Variants in RAB27B observed in about 807,000 individuals in gnomAD.
RAB27B encodes ras-related protein Rab-27B.
RAB27B carries 15 observed loss-of-function variants against 24.6 expected under a neutral mutation model. The observed-to-expected ratio is 0.61, with a 90% CI of 0.41 to 0.94. The LOEUF (loss-of-function observed/expected upper bound fraction) is 0.94, where lower values mean the gene tolerates loss of function less well. Among genes scored for constraint, RAB27B ranks in the 40% least tolerant of loss-of-function variants. RAB27B has a pLI of 0.00. For missense variants in RAB27B, 261 were observed against 266.8 expected, an observed-to-expected ratio of 0.98 and a Z score of 0.15; for synonymous variants, 105 against 92.5, an observed-to-expected ratio of 1.14 and a Z score of -0.78.
At chr18:54,811,320 TA>T (rs1388587816) in intron 2 of RAB27B, among the ~76,000 whole-genome samples, 1 of 152,080 alleles carries the variant, frequency 6.6e-6, no homozygotes, top group African/African-American at 2.4e-5. Context: ...ATGGCTGGGG[TA>T]AAGCTTGCTT....
Position 54,877,736 on chromosome 18 carries a change from G to A in RAB27B, c.151G>A (p.Val51Met). Residue 51 changes from valine to methionine, a missense_variant and splice_region_variant, in exon 2 of 6, where the codon GTG (valine) becomes ATG (methionine). Val to Met is a conservative substitution (Grantham distance 21). Coordinates refer to ENST00000262094, the MANE Select transcript of RAB27B (RefSeq NM_004163.4). The stretch of plus-strand genomic sequence containing the variant: ...AGGAATAGACTTTCGGGAAAAACGT[G>A]TGGTGAGTTTTTAATCGTACTTCTA... ...TVGIDFREKR[V>M]VYNAQGPNGS... is the part of the protein sequence containing the mutation. 1 of 1,578,302 alleles carries A rather than the reference G, an allele frequency of 6.3e-7. No individual in the cohort carries two copies. The highest frequency in any genetic ancestry group is 2.0e-5 in the Admixed American group (1 of 50,814).
At chr18:54,887,131 A>G (rs1294274356) in intron 4 of RAB27B, among the ~76,000 whole-genome samples, 3 of 150,040 alleles carry the variant, frequency 2.0e-5, no homozygotes, top group African/African-American at 7.4e-5. Flanking sequence ...AGAAAAGAGA[A>G]AAACAAATTA....
chr18:54,886,424 C>G (rs547666162), intron 4 of RAB27B, among the ~76,000 whole-genome samples: 2 of 151,728 alleles, frequency 1.3e-5, no homozygotes, highest in Non-Finnish European at 2.9e-5. Flanking sequence ...ACATATTATG[C>G]AAAATTGATA....
intron 2 of RAB27B, among the ~76,000 whole-genome samples, chr18:54,773,076 A>G (rs573414076): frequency 3.9e-5 from 6 of 152,174 alleles, no homozygotes; most frequent in African/African-American, 1.4e-4. Context: ...AATCTTCACC[A>G]ATCCTTTTTT....
chr18:54,802,931 C>T (rs1909655897), intron 2 of RAB27B, among the ~76,000 whole-genome samples: 1 of 152,122 alleles, frequency 6.6e-6, no homozygotes, highest in African/African-American at 2.4e-5. Context: ...TACCAACTCC[C>T]CATTCAGTCC....
At chr18:54,765,450 T>A (rs1877231203) in intron 2 of RAB27B, among the ~76,000 whole-genome samples, 2 of 152,232 alleles carry the variant, frequency 1.3e-5, no homozygotes, top group African/African-American at 4.8e-5. Flanking sequence ...GTCCTTCATT[T>A]GTTAAGCAAA....
intron 1 of RAB27B, among the ~76,000 whole-genome samples, chr18:54,847,332 A>T (rs1911379097): frequency 6.6e-6 from 1 of 152,200 alleles, no homozygotes; most frequent in Non-Finnish European, 1.5e-5. Context: ...TCTCTGGTAA[A>T]CTGGAAGGGG....
chr18:54,839,431 G>A (rs1201699472), intron 1 of RAB27B, among the ~76,000 whole-genome samples: 1 of 152,156 alleles, frequency 6.6e-6, no homozygotes, highest in African/African-American at 2.4e-5. Flanking sequence ...GAGAGTTAAA[G>A]TAACAAACAT....
At chr18:54,805,999 T>C (rs1909780392) in intron 2 of RAB27B, among the ~76,000 whole-genome samples, 1 of 152,212 alleles carries the variant, frequency 6.6e-6, no homozygotes, top group South Asian at 2.1e-4. Flanking sequence ...GGTCACTCAA[T>C]TGTATAGCTT....
rs567534776 is a variant in RAB27B, at chr18:54,759,898, A to G, written c.-20+41757A>G. ...CTCCATCCCCTTTCCAGCTCCTTATACCACTGAGAGCCACTTTCATTGGCA... is the reference window on the plus strand; with the variant it reads ...CTCCATCCCCTTTCCAGCTCCTTATGCCACTGAGAGCCACTTTCATTGGCA... On this transcript the variant is annotated intron_variant, in intron 2 of 4. Transcript: ENST00000586570. Among the ~76,000 whole-genome samples the G allele has an allele frequency of 2.2e-4, 33 of 152,170 alleles. 2 individuals are homozygous for G. The South Asian group carries it at 6.4e-3, about 30-fold the overall frequency.
intron 2 of RAB27B, among the ~76,000 whole-genome samples, chr18:54,780,426 C>A (rs1272025319): frequency 7.0e-6 from 1 of 143,202 alleles, no homozygotes; most frequent in Non-Finnish European, 1.5e-5. Flanking sequence ...CTGATGGCTT[C>A]CCCCTCACCG....
At chr18:54,761,497 G>C (rs1186349694) in intron 2 of RAB27B, among the ~76,000 whole-genome samples, 1 of 152,068 alleles carries the variant, frequency 6.6e-6, no homozygotes, top group East Asian at 1.9e-4. Flanking sequence ...ATACCAAACA[G>C]TAAAACAGGA....
intron 1 of RAB27B, among the ~76,000 whole-genome samples, chr18:54,846,848 G>C (rs1262352820): frequency 6.6e-6 from 1 of 151,412 alleles, no homozygotes; most frequent in African/African-American, 2.4e-5. Context: ...ATGACTTTTT[G>C]TTTGTTTGTT....
intron 2 of RAB27B, among the ~76,000 whole-genome samples, chr18:54,753,214 T>G (rs1275090878): frequency 6.6e-6 from 1 of 152,192 alleles, no homozygotes; most frequent in South Asian, 2.1e-4. Context: ...TAAAAAACTC[T>G]GAGTTTAATT....
rs768503902 is a variant in RAB27B at position 54,892,326 on chromosome 18, A to G, written c.*2913A>G. The G allele has an allele frequency of 1.3e-5, 2 of 152,026 alleles. No individual in the cohort carries two copies. Among genetic ancestry groups the G allele is most frequent in the Non-Finnish European group, 2.9e-5 (2 of 67,976 alleles). 9.4% of individuals were successfully genotyped at this position (152,026 alleles called of 1,614,324 possible). A position where few individuals can be genotyped will look rare whatever the true frequency, so the allele number is the denominator to read the frequency against. On this transcript the variant is annotated 3_prime_UTR_variant, in exon 6 of 6. Coordinates refer to ENST00000262094, the MANE Select transcript of RAB27B (RefSeq NM_004163.4). ...AAATTTGTCTCCAACCACATAGCTC[A>G]TTTCCTATAATGTTATATCATAGGA...
chr18:54,775,734 A>G (rs1412729062), intron 2 of RAB27B, among the ~76,000 whole-genome samples: 1 of 152,210 alleles, frequency 6.6e-6, no homozygotes, highest in Non-Finnish European at 1.5e-5. Flanking sequence ...GCTCTTGCTC[A>G]TGCTGCTGCC....
intron 2 of RAB27B, among the ~76,000 whole-genome samples, chr18:54,816,772 C>CAGCAA (rs1910135015): frequency 6.6e-6 from 1 of 152,124 alleles, no homozygotes; most frequent in African/African-American, 2.4e-5. Context: ...AAGGGCAAAC[C>CAGCAA]AGCAATAGCC....
At chr18:54,808,644 T>A (rs907485808) in intron 2 of RAB27B, among the ~76,000 whole-genome samples, 3 of 152,236 alleles carry the variant, frequency 2.0e-5, no homozygotes, top group African/African-American at 7.2e-5. Context: ...AGTTCTTTAT[T>A]GACAAATCTA....
At chr18:54,744,792 C>A in intron 2 of RAB27B, 1 of 180,544 alleles carries the variant, frequency 5.5e-6, no homozygotes, top group South Asian at 1.3e-4. Flanking sequence ...AGGAGGATGT[C>A]CTCAAATTTC....
Sources: allele counts gnomAD v4.1 joint callset (sites outside exome capture counted in the v4.1 genomes callset), GRCh38; gene constraint gnomAD v4.1.1; transcripts MANE v1.5; gene names NCBI Gene and HGNC (gene_info 2026-07-23, HGNC 2026-07-21).